WDR25: variants seen among roughly 807,000 people sequenced by gnomAD.
WDR25 encodes WD repeat domain 25, also known as WD repeat-containing protein 25.
In WDR25, 35 loss-of-function variants were observed where a neutral mutation model predicts 47.7. The ratio of observed to expected loss-of-function variants is 0.73; its 90% CI spans 0.56 to 0.97. WDR25 has a LOEUF of 0.97. WDR25 is among the 50% of genes least tolerant of loss of function. The pLI is 0.00. For missense variants in WDR25, 634 were observed against 704.7 expected (o/e 0.90, Z 1.14); for synonymous variants, 248 against 278.9 (o/e 0.89, Z 1.10).
chr14:100,419,049 T>C (rs374953480), intron 2 of WDR25, among the ~76,000 whole-genome samples: 18 of 152,056 alleles, frequency 1.2e-4, no homozygotes, highest in East Asian at 7.8e-4. Flanking sequence ...GGAAACCCCA[T>C]CTCTACTAAA....
chr14:100,526,138 A>T, intron 5 of WDR25, 98 bp downstream of exon 5: 4 of 1,408,494 alleles, frequency 2.8e-6, no homozygotes, highest in Non-Finnish European at 2.9e-6. Flanking sequence ...CTGTGGGAGG[A>T]GGCTCACTGG....
In WDR25 at chr14:100,457,130, T is replaced by G. The variant is rs546217846; in HGVS notation, c.823-10891T>G. On this transcript the variant is annotated intron_variant, in intron 2 of 6. Coordinates refer to ENST00000402312, the MANE Select transcript of WDR25 (RefSeq NM_001161476.3). Reference sequence around the variant, plus strand: ...TGTCACCACGCCTAGCTAATTTGTATTTTTAATAGAGACAGGGTTTCACCA... The same window carrying G: ...TGTCACCACGCCTAGCTAATTTGTAGTTTTAATAGAGACAGGGTTTCACCA... 1.4e-4 allele frequency among the ~76,000 whole-genome samples: 22 copies of G among 152,248 alleles called. 2 individuals are homozygous for G. Among genetic ancestry groups the G allele is most frequent in the African/African-American group, 4.1e-4 (17 of 41,536 alleles).
intron 5 of WDR25, among the ~76,000 whole-genome samples, chr14:100,527,398 C>T (rs1479657743): frequency 6.6e-6 from 1 of 152,170 alleles, no homozygotes; most frequent in Non-Finnish European, 1.5e-5. Context: ...TTTCAACTAA[C>T]CCAAGACTAA....
intron 4 of WDR25, among the ~76,000 whole-genome samples, chr14:100,508,188 A>G (rs1901180795): frequency 1.3e-5 from 2 of 152,206 alleles, no homozygotes; most frequent in South Asian, 4.1e-4. Flanking sequence ...GATTATCTCA[A>G]TAAACACAGA....
chr14:100,426,445 G>A (rs777391545), intron 2 of WDR25, among the ~76,000 whole-genome samples: 27 of 152,206 alleles, frequency 1.8e-4, no homozygotes, highest in African/African-American at 4.8e-5. Context: ...ATGAATCTTC[G>A]ACAATGGCAC....
At chr14:100,522,048 G>A (rs554669072) in intron 4 of WDR25, among the ~76,000 whole-genome samples, 2 of 152,152 alleles carry the variant, frequency 1.3e-5, no homozygotes, top group Admixed American at 1.3e-4. Flanking sequence ...ATTTTTTTCT[G>A]AGCTCTGTTT....
Position 100,500,253 on chromosome 14 carries a change from T to G in WDR25, c.1101+16129T>G, listed in dbSNP as rs1411795486. Among the ~76,000 whole-genome samples the G allele has an allele frequency of 2.6e-5, 4 of 152,040 alleles. No homozygotes were observed. The highest frequency in any genetic ancestry group is 4.8e-5 in the African/African-American group (2 of 41,402). On this transcript the variant is annotated intron_variant, in intron 4 of 6. Transcript: ENST00000402312. The surrounding 1 kb of genome is among the most constrained non-coding windows in gnomAD (Gnocchi z 4.7). ...AGTGGGGTGGCTTGCTCACTCTTACTTCTCTCCTGCTGCGGTTCTGGGTGG... is the reference window on the plus strand; with the variant it reads ...AGTGGGGTGGCTTGCTCACTCTTACGTCTCTCCTGCTGCGGTTCTGGGTGG...
intron 1 of WDR25, chr14:100,376,897 GAAATATTTTTA>G: frequency 1.3e-5 from 6 of 477,444 alleles, no homozygotes; most frequent in Middle Eastern, 1.4e-3. Context: ...TTGCATTCCA[GAAATATTTTTA>G]GACGCTGGGC....
intron 2 of WDR25, among the ~76,000 whole-genome samples, chr14:100,394,238 G>C (rs938491596): frequency 1.3e-5 from 2 of 152,132 alleles, no homozygotes; most frequent in African/African-American, 4.8e-5. Flanking sequence ...GCAGACTCTT[G>C]AGGAGCTCAG....
chr14:100,480,618 G>T (rs748790438), intron 3 of WDR25, among the ~76,000 whole-genome samples: 2 of 152,034 alleles, frequency 1.3e-5, no homozygotes, highest in African/African-American at 2.4e-5. Flanking sequence ...TGTGATTTTT[G>T]TTGCCAAAAA....
intron 2 of WDR25, among the ~76,000 whole-genome samples, chr14:100,453,855 T>C (rs1453603328): frequency 2.0e-5 from 3 of 152,242 alleles, no homozygotes; most frequent in Admixed American, 6.5e-5. Flanking sequence ...CTTTTACATC[T>C]TCTGTTGACA....
chr14:100,509,421 A>C (rs889834933), intron 4 of WDR25, among the ~76,000 whole-genome samples: 3 of 152,026 alleles, frequency 2.0e-5, no homozygotes, highest in Non-Finnish European at 4.4e-5. Flanking sequence ...TGTTGATCTG[A>C]GTGCCAATCT....
intron 5 of WDR25, among the ~76,000 whole-genome samples, chr14:100,526,831 C>G (rs111738352): frequency 0.047 from 3,657 of 77,540 alleles, 6 homozygotes; most frequent in African/African-American, 0.17. Flanking sequence ...ACTACCACCA[C>G]CAGTGTCATC....
intron 3 of WDR25, among the ~76,000 whole-genome samples, chr14:100,471,312 G>T (rs1390380538): frequency 1.3e-5 from 2 of 152,142 alleles, no homozygotes; most frequent in African/African-American, 4.8e-5. Context: ...TCCTTGCCAG[G>T]TCCTCCTATC....
intron 2 of WDR25, among the ~76,000 whole-genome samples, chr14:100,413,716 C>T (rs1897783377): frequency 6.6e-6 from 1 of 152,110 alleles, no homozygotes; most frequent in East Asian, 2.0e-4. Flanking sequence ...CCCGGCCTTG[C>T]CATTACTTTG....
chr14:100,405,168 C>CTTTTTTTTTTTTTTTTTT (rs35414565), intron 2 of WDR25, among the ~76,000 whole-genome samples: 3 of 146,260 alleles, frequency 2.1e-5, no homozygotes, highest in African/African-American at 7.9e-5. Context: ...TCTGCCCCAT[C>CTTTTTTTTTTTTTTTTTT]TTTTTTTTTT....
In WDR25 at chr14:100,381,603, A is replaced by G; in HGVS notation, c.679A>G (p.Ser227Gly). ...TGAGTTTATTCAGCCATATTTGAATAGCCATTATAAAGAAACCACAGTTCC... is the reference window on the plus strand; with the variant it reads ...TGAGTTTATTCAGCCATATTTGAATGGCCATTATAAAGAAACCACAGTTCC... ...VSEFIQPYLN[S>G]HYKETTVPRK... Residue 227 changes from serine to glycine, a missense_variant, in exon 2 of 7, where the codon AGC becomes GGC. Transcript: ENST00000402312. The G allele has an allele frequency of 6.2e-7, 1 of 1,608,648 alleles. No individual in the cohort carries two copies. The highest frequency in any genetic ancestry group is 1.1e-5 in the South Asian group (1 of 90,870).
intron 2 of WDR25, among the ~76,000 whole-genome samples, chr14:100,394,763 A>G (rs1280796045): frequency 1.3e-5 from 2 of 152,182 alleles, no homozygotes; most frequent in Admixed American, 1.3e-4. Flanking sequence ...TGGGTCTTAG[A>G]AGATGAGGAG....
intron 2 of WDR25, among the ~76,000 whole-genome samples, chr14:100,391,818 G>T (rs1897152249): frequency 6.6e-6 from 1 of 152,308 alleles, no homozygotes; most frequent in Non-Finnish European, 1.5e-5. Flanking sequence ...CTTTCAGGGG[G>T]TCAAAACTAT....
Sources: allele counts gnomAD v4.1 joint callset (sites outside exome capture counted in the v4.1 genomes callset), GRCh38; gene constraint gnomAD v4.1.1; non-coding constraint Gnocchi (gnomAD v3.1); transcripts MANE v1.5; gene names NCBI Gene and HGNC (gene_info 2026-07-23, HGNC 2026-07-21).